SNRNP40: variants seen among roughly 807,000 people sequenced by gnomAD.
SNRNP40 encodes the protein U5 small nuclear ribonucleoprotein 40 kDa protein.
A neutral mutation model predicts 45.8 loss-of-function variants in SNRNP40; 21 were observed. The ratio of observed to expected loss-of-function variants is 0.46; its 90% CI spans 0.32 to 0.66. The LOEUF (loss-of-function observed/expected upper bound fraction) is 0.66, where lower values mean the gene tolerates loss of function less well. Ranked by LOEUF, SNRNP40 falls within the 30% of genes least tolerant of loss-of-function variation. The pLI, the probability that SNRNP40 is intolerant of heterozygous loss-of-function variation, is 0.03. For missense variants in SNRNP40, 344 were observed against 439.1 expected (o/e 0.78, Z 1.94); for synonymous variants, 142 against 163.8 (o/e 0.87, Z 1.01).
chr1:31,265,529 T>A (rs1024144140), intron 8 of SNRNP40, among the ~76,000 whole-genome samples: 3 of 152,130 alleles, frequency 2.0e-5, no homozygotes, highest in African/African-American at 7.2e-5. Flanking sequence ...AAAAAAAAAG[T>A]ATGTAAATAT....
chr1:31,296,496 T>G (rs1183531188), intron 1 of SNRNP40, 115 bp downstream of exon 1: 5 of 1,346,622 alleles, frequency 3.7e-6, no homozygotes, highest in Admixed American at 2.3e-5. Context: ...TAACTCTGCG[T>G]AGAAACTCTC....
At chr1:31,270,773 A>G (rs955881247) in intron 6 of SNRNP40, among the ~76,000 whole-genome samples, 2 of 152,228 alleles carry the variant, frequency 1.3e-5, no homozygotes, top group African/African-American at 4.8e-5. Flanking sequence ...ATAATTTTGT[A>G]TACCAGGGCC....
At chr1:31,285,693 A>G (rs959012324) in intron 4 of SNRNP40, among the ~76,000 whole-genome samples, 2 of 152,214 alleles carry the variant, frequency 1.3e-5, no homozygotes, top group Admixed American at 6.5e-5. Flanking sequence ...CTTATTGCAC[A>G]AGGATTCAGT....
rs527421488 is a variant in SNRNP40, at chr1:31,260,066, A to G, written c.*6T>C. The G allele has an allele frequency of 5.3e-5, 85 of 1,607,558 alleles. No homozygotes were observed. Among genetic ancestry groups the G allele is most frequent in the Middle Eastern group, 3.3e-4 (2 of 6,054 alleles). On this transcript the variant is annotated 3_prime_UTR_variant, in exon 10 of 10. Coordinates refer to ENST00000263694, the MANE Select transcript of SNRNP40 (RefSeq NM_004814.3). ...AAGCGGCCTTGGAGTCTTCCAGTCC[A>G]TATCTTCACTGAATCTCTCCCATAT...
chr1:31,263,847 A>G (rs896091677), intron 8 of SNRNP40, among the ~76,000 whole-genome samples: 1 of 151,446 alleles, frequency 6.6e-6, no homozygotes, highest in African/African-American at 2.4e-5. Flanking sequence ...AGCTGAACCC[A>G]AGACTCTGGA....
At chr1:31,286,825 CACTCT>C (rs1176809233) in intron 4 of SNRNP40, among the ~76,000 whole-genome samples, 5 of 152,208 alleles carry the variant, frequency 3.3e-5, no homozygotes, top group Non-Finnish European at 7.3e-5. Flanking sequence ...TGTGCTCTGA[CACTCT>C]ACTCTGGGCC....
At chr1:31,273,536 A>C (rs1035643346) in intron 5 of SNRNP40, among the ~76,000 whole-genome samples, 5 of 152,094 alleles carry the variant, frequency 3.3e-5, no homozygotes, top group African/African-American at 1.2e-4. Flanking sequence ...GCTACTCGGG[A>C]GGCTGAGGCA....
intron 5 of SNRNP40, among the ~76,000 whole-genome samples, chr1:31,278,874 C>T (rs555233399): frequency 2.0e-5 from 3 of 151,794 alleles, no homozygotes; most frequent in Non-Finnish European, 2.9e-5. Flanking sequence ...AGGCCCTTGG[C>T]GAATAATGAT....
intron 1 of SNRNP40, among the ~76,000 whole-genome samples, chr1:31,294,226 G>C (rs1646125751): frequency 6.6e-6 from 1 of 152,174 alleles, no homozygotes; most frequent in South Asian, 2.1e-4. Context: ...CCAGAGTGCT[G>C]GGATTATAGG....
chr1:31,293,602 G>T (rs1379517103), intron 1 of SNRNP40, among the ~76,000 whole-genome samples: 4 of 152,102 alleles, frequency 2.6e-5, no homozygotes, highest in Non-Finnish European at 4.4e-5. Flanking sequence ...TTTTTTTGGA[G>T]ATAGGGTCTC....
At chr1:31,292,061 T>C in intron 2 of SNRNP40, 55 bp from the exon 3 acceptor site, 1 of 1,223,614 alleles carries the variant, frequency 8.2e-7, no homozygotes, top group Non-Finnish European at 1.2e-6. Flanking sequence ...CTTATAAATT[T>C]ATCAGAACAA....
rs1646015814 is a variant in SNRNP40, at chr1:31,281,429, G to A, written c.599C>T (p.Thr200Ile). ...AATCTGATCACTTGTGTCATTGAAG[G>A]TCACAGCTAACACCTGGTACGTGTT... is the stretch of plus-strand genomic sequence containing the variant. ...FQNTYQVLAV[T>I]FNDTSDQIIS... Residue 200 changes from threonine (T) to isoleucine (I), a missense_variant, in exon 5 of 10, where the codon ACC becomes ATC. Around this residue, in one of 2 missense-constraint regions of SNRNP40, gnomAD observed 254 missense variants for 380.2 expected, o/e 0.67. Coordinates refer to ENST00000263694, the MANE Select transcript of SNRNP40 (RefSeq NM_004814.3). 3 of 1,609,900 alleles carry A rather than the reference G, an allele frequency of 1.9e-6. No homozygotes were observed. The highest frequency in any genetic ancestry group is 1.7e-6 in the Non-Finnish European group (2 of 1,176,496).
intron 5 of SNRNP40, among the ~76,000 whole-genome samples, chr1:31,279,743 T>C (rs1381995933): frequency 6.8e-6 from 1 of 147,914 alleles, no homozygotes; most frequent in Non-Finnish European, 1.5e-5. Flanking sequence ...TGAGACTCTG[T>C]CTCAAAAAAA....
chr1:31,294,665 C>A (rs534239687), intron 1 of SNRNP40, among the ~76,000 whole-genome samples: 1 of 151,988 alleles, frequency 6.6e-6, no homozygotes, highest in African/African-American at 2.4e-5. Context: ...GCAGGCTGGG[C>A]GCGGTGGCTC....
chr1:31,282,467 C>CTATCTATCTATCTATG (rs757667562), intron 4 of SNRNP40: 2 of 54,538 alleles, frequency 3.7e-5, no homozygotes, highest in Non-Finnish European at 8.2e-5. Context: ...ATATTCCTGG[C>CTATCTATCTATCTATG]TATCTATCTA....
At chr1:31,293,545 T>C (rs1557681322) in intron 1 of SNRNP40, among the ~76,000 whole-genome samples, 197 bp from the exon 2 acceptor site, 3 of 152,222 alleles carry the variant, frequency 2.0e-5, no homozygotes, top group Non-Finnish European at 4.4e-5. Flanking sequence ...CTACCTGTTA[T>C]AATGACTCTC....
intron 2 of SNRNP40, among the ~76,000 whole-genome samples, chr1:31,292,310 C>T (rs777866797): frequency 1.2e-4 from 18 of 152,106 alleles, no homozygotes; most frequent in Non-Finnish European, 2.5e-4. Context: ...TGCAGTGAGC[C>T]GAGATCGCGC....
Position 31,296,763 on chromosome 1 carries a change from G to A in SNRNP40, c.-12C>T, listed in dbSNP as rs1295838154. 1 of 1,590,586 alleles carries A rather than the reference G, an allele frequency of 6.3e-7. No individual in the cohort carries two copies. Among genetic ancestry groups the A allele is most frequent in the East Asian group, 2.3e-5 (1 of 44,214 alleles). On this transcript the variant is annotated 5_prime_UTR_variant, in exon 1 of 10. Coordinates refer to ENST00000263694, the MANE Select transcript of SNRNP40 (RefSeq NM_004814.3). ...TGCTGTTCTATCATGGCGGCAACCG[G>A]TCTCTTCAGCGCCGCCACTGACCGC...
chr1:31,287,415 A>G (rs948780275), intron 4 of SNRNP40, among the ~76,000 whole-genome samples: 1 of 152,212 alleles, frequency 6.6e-6, no homozygotes, highest in African/African-American at 2.4e-5. Context: ...CAAAAAACCA[A>G]AAGAAGGCAG....
Sources: gnomAD v4.1 joint callset for allele counts (sites outside exome capture counted in the v4.1 genomes callset) on GRCh38, gnomAD v4.1.1 for gene constraint, gnomAD v4.1.1 regional missense constraint, MANE v1.5 for transcripts, NCBI Gene and HGNC (gene_info 2026-07-23, HGNC 2026-07-21) for gene names.